Variants in STPG2 observed in about 807,000 individuals in gnomAD.
STPG2 encodes the protein sperm tail PG-rich repeat containing 2, also known as sperm-tail PG-rich repeat-containing protein 2.
A neutral mutation model predicts 54.2 loss-of-function variants in STPG2; 56 were observed. The ratio of observed to expected loss-of-function variants is 1.03; its 90% confidence interval spans 0.83 to 1.29. The LOEUF (loss-of-function observed/expected upper bound fraction) is 1.29, where lower values mean the gene tolerates loss of function less well. STPG2 is among the 50% of genes most tolerant of loss of function. The pLI, the probability that STPG2 is intolerant of heterozygous loss-of-function variation, is 0.00. For synonymous variants in STPG2, 200 were observed against 181.8 expected (o/e 1.10, Z -0.81); for missense variants, 596 against 544.9 (o/e 1.09, Z -0.93).
chr4:97,778,065 G>A (rs1423928315), intron 9 of STPG2, among the ~76,000 whole-genome samples: 1 of 152,138 alleles, frequency 6.6e-6, no homozygotes, highest in Admixed American at 6.5e-5. Flanking sequence ...AGACAGTGGG[G>A]ACAGGACAGT....
chr4:97,548,064 C>T (rs745638339), intron 4 of STPG2, among the ~76,000 whole-genome samples: 4 of 152,204 alleles, frequency 2.6e-5, no homozygotes, highest in South Asian at 2.1e-4. Flanking sequence ...GCAGGAGAGT[C>T]GCTTGAACCC....
At chr4:98,026,715 G>A (rs1388565098) in intron 5 of STPG2, among the ~76,000 whole-genome samples, 1 of 152,086 alleles carries the variant, frequency 6.6e-6, no homozygotes, top group Non-Finnish European at 1.5e-5. Flanking sequence ...CCATAGCTAT[G>A]CCCTCTCCAG....
chr4:97,872,753 T>C (rs924443588), intron 8 of STPG2, among the ~76,000 whole-genome samples: 3 of 151,282 alleles, frequency 2.0e-5, no homozygotes, highest in African/African-American at 7.2e-5. Context: ...GACTCACAGA[T>C]TCCTGTTTTT....
intron 4 of STPG2, among the ~76,000 whole-genome samples, chr4:97,551,698 T>C (rs1317196536): frequency 6.6e-6 from 1 of 152,268 alleles, no homozygotes; most frequent in East Asian, 1.9e-4. Context: ...GTTATTATTT[T>C]GCAAATTATA....
rs1205972398 is a variant in STPG2, at chr4:97,762,736, C to T, written c.1205-49922G>A. Reference sequence around the variant, plus strand: ...AAAGCTTCAAAACAATAAAATAAGTCATTCAAGAATGCTTTGATTTCTTGT... The same window carrying T: ...AAAGCTTCAAAACAATAAAATAAGTTATTCAAGAATGCTTTGATTTCTTGT... On this transcript the variant is annotated intron_variant, in intron 9 of 10. Coordinates refer to ENST00000295268, the MANE Select transcript of STPG2 (RefSeq NM_174952.3). 2.0e-5 allele frequency among the ~76,000 whole-genome samples: 3 copies of T among 152,114 alleles called. No individual in the cohort carries two copies. The East Asian group carries it at 5.8e-4, about 29-fold the overall frequency.
chr4:97,527,123 A>AT (rs1253673149), intron 4 of STPG2, among the ~76,000 whole-genome samples: 4 of 151,668 alleles, frequency 2.6e-5, no homozygotes, highest in Non-Finnish European at 4.4e-5. Flanking sequence ...AACATTAGGT[A>AT]TTTCTCCTAG....
chr4:97,838,971 C>T (rs966142236), intron 9 of STPG2, among the ~76,000 whole-genome samples: 1 of 151,456 alleles, frequency 6.6e-6, no homozygotes, highest in Non-Finnish European at 1.5e-5. Flanking sequence ...CTGGTATTAA[C>T]CAACATGATA....
At chr4:97,789,083 G>A (rs1353007425) in intron 9 of STPG2, among the ~76,000 whole-genome samples, 1 of 151,818 alleles carries the variant, frequency 6.6e-6, no homozygotes, top group African/African-American at 2.4e-5. Flanking sequence ...TGATTTTGAA[G>A]TTAAGACAGA....
chr4:97,884,936 C>T (rs1177053417), intron 8 of STPG2, among the ~76,000 whole-genome samples: 2 of 151,852 alleles, frequency 1.3e-5, no homozygotes, highest in Non-Finnish European at 2.9e-5. Flanking sequence ...GAAACCTACA[C>T]AAAGATATTA....
intron 8 of STPG2, among the ~76,000 whole-genome samples, chr4:97,884,511 G>C (rs1291759340): frequency 6.6e-6 from 1 of 152,176 alleles, no homozygotes; most frequent in Non-Finnish European, 1.5e-5. Context: ...GCCAAGAAGA[G>C]AGGTCTTAGA....
chr4:97,795,180 CT>C (rs749821550), intron 9 of STPG2, among the ~76,000 whole-genome samples: 1 of 151,918 alleles, frequency 6.6e-6, no homozygotes, highest in Non-Finnish European at 1.5e-5. Flanking sequence ...TGTGTTTCTA[CT>C]TTTTTTATTA....
At chr4:97,815,668 T>C (rs773214122) in intron 9 of STPG2, among the ~76,000 whole-genome samples, 1 of 152,164 alleles carries the variant, frequency 6.6e-6, no homozygotes, top group Non-Finnish European at 1.5e-5. Context: ...ACTCAGGGAC[T>C]TTACCTTCTC....
intron 4 of STPG2, among the ~76,000 whole-genome samples, chr4:97,520,083 A>T (rs573632929): frequency 2.5e-4 from 38 of 152,224 alleles, no homozygotes; most frequent in African/African-American, 8.7e-4. Context: ...GGGAAAAACC[A>T]TAAGAAGAGT....
chr4:97,532,861 G>A (rs974817133), intron 4 of STPG2, among the ~76,000 whole-genome samples: 3 of 152,044 alleles, frequency 2.0e-5, no homozygotes, highest in South Asian at 2.1e-4. Flanking sequence ...GTTGAGAAAT[G>A]CCCATTTTAC....
intron 9 of STPG2, among the ~76,000 whole-genome samples, chr4:97,837,654 T>C (rs952364091): frequency 6.6e-6 from 1 of 151,672 alleles, no homozygotes; most frequent in Non-Finnish European, 1.5e-5. Flanking sequence ...GTATACAATA[T>C]ACTGAGTCTA....
intron 5 of STPG2, chr4:98,025,547 G>A (rs1736387267): frequency 1.1e-5 from 8 of 712,528 alleles, no homozygotes; most frequent in South Asian, 1.1e-4. Context: ...GATAGTTCGT[G>A]TAACAAACAG....
intron 10 of STPG2, among the ~76,000 whole-genome samples, chr4:97,600,595 A>G (rs1733431870): frequency 6.6e-6 from 1 of 152,164 alleles, no homozygotes; most frequent in Non-Finnish European, 1.5e-5. Flanking sequence ...TTACAGACCT[A>G]TGCAGATAAT....
At chr4:97,595,105 C>T (rs1191571309) in intron 10 of STPG2, among the ~76,000 whole-genome samples, 12 of 152,176 alleles carry the variant, frequency 7.9e-5, no homozygotes, top group African/African-American at 2.4e-4. Context: ...ACTGGGTATA[C>T]ACCCAAAGGA....
At chr4:97,524,065 TG>T (rs113263150) in intron 4 of STPG2, among the ~76,000 whole-genome samples, 5 of 152,044 alleles carry the variant, frequency 3.3e-5, no homozygotes, top group African/African-American at 1.2e-4. Context: ...TAAAGTTTCG[TG>T]ACAGGAGTAG....
Sources: gnomAD v4.1 joint callset for allele counts (sites outside exome capture counted in the v4.1 genomes callset) on GRCh38, gnomAD v4.1.1 for gene constraint, MANE v1.5 for transcripts, NCBI Gene and HGNC (gene_info 2026-07-23, HGNC 2026-07-21) for gene names.